NXPH1: variants seen among roughly 807,000 people sequenced by gnomAD.
NXPH1 encodes the protein neurexophilin 1, also known as neurexophilin-1.
A neutral mutation model predicts 23.7 loss-of-function variants in NXPH1; 5 were observed. The observed-to-expected ratio is 0.21, with a 90% CI of 0.11 to 0.44. NXPH1 has a LOEUF of 0.44. NXPH1 is among the 20% of genes least tolerant of loss of function. The pLI, the probability that NXPH1 is intolerant of heterozygous loss-of-function variation, is 0.99. For missense variants in NXPH1, 324 were observed against 321.6 expected (o/e 1.01, Z -0.06); for synonymous variants, 144 against 122.2 (o/e 1.18, Z -1.18).
At chr7:8,456,093 T>A (rs981091996) in intron 2 of NXPH1, among the ~76,000 whole-genome samples, 1 of 152,176 alleles carries the variant, frequency 6.6e-6, no homozygotes, top group African/African-American at 2.4e-5. Context: ...GGTAGTTAAT[T>A]GTCTTACCTG....
intron 2 of NXPH1, among the ~76,000 whole-genome samples, chr7:8,443,798 A>G (rs955907099): frequency 6.6e-6 from 1 of 152,210 alleles, no homozygotes; most frequent in African/African-American, 2.4e-5. Context: ...TATCATCATT[A>G]GACCCGGGAT....
chr7:8,536,150 G>T (rs907689875), intron 2 of NXPH1, among the ~76,000 whole-genome samples: 26 of 152,026 alleles, frequency 1.7e-4, no homozygotes, highest in Non-Finnish European at 3.7e-4. Flanking sequence ...ATGTTGCTCT[G>T]TTAACCTTTG....
chr7:8,626,499 C>G (rs1187053568), intron 2 of NXPH1, among the ~76,000 whole-genome samples: 3 of 151,762 alleles, frequency 2.0e-5, no homozygotes, highest in African/African-American at 7.3e-5. Flanking sequence ...CCATGAGGGA[C>G]TCCTTTCCAA....
intron 2 of NXPH1, among the ~76,000 whole-genome samples, chr7:8,619,974 C>G (rs1187948879): frequency 6.6e-6 from 1 of 152,086 alleles, no homozygotes; most frequent in Non-Finnish European, 1.5e-5. Flanking sequence ...TGTCCTTTCC[C>G]AAATATGATC....
At chr7:8,608,937 T>TA (rs1466477513) in intron 2 of NXPH1, among the ~76,000 whole-genome samples, 1 of 152,144 alleles carries the variant, frequency 6.6e-6, no homozygotes, top group Non-Finnish European at 1.5e-5. Flanking sequence ...ATATATACAG[T>TA]AAGTCCTCAC....
intron 2 of NXPH1, among the ~76,000 whole-genome samples, chr7:8,559,029 T>C (rs777351003): frequency 7.9e-5 from 12 of 151,654 alleles, no homozygotes; most frequent in Non-Finnish European, 4.4e-5. Context: ...TGTGGTGGCA[T>C]GATCATAGCT....
At chr7:8,590,302 A>G (rs1178097550) in intron 2 of NXPH1, among the ~76,000 whole-genome samples, 1 of 152,096 alleles carries the variant, frequency 6.6e-6, no homozygotes, top group Admixed American at 6.6e-5. Flanking sequence ...GGTCTAGGCT[A>G]CCAGGTAAAG....
chr7:8,710,755 C>T (rs1348738482), intron 2 of NXPH1, among the ~76,000 whole-genome samples: 2 of 121,476 alleles, frequency 1.6e-5, no homozygotes, highest in African/African-American at 3.9e-5. Flanking sequence ...CTCCGCTTCC[C>T]GGGTTCACGC....
intron 2 of NXPH1, among the ~76,000 whole-genome samples, chr7:8,628,309 C>T (rs1820039205): frequency 6.6e-6 from 1 of 150,404 alleles, no homozygotes; most frequent in African/African-American, 2.4e-5. Context: ...AAATTCTACA[C>T]AGTAATTGAT....
At chr7:8,746,818 T>A (rs190752033) in intron 2 of NXPH1, among the ~76,000 whole-genome samples, 2 of 152,024 alleles carry the variant, frequency 1.3e-5, no homozygotes, top group East Asian at 3.9e-4. Flanking sequence ...AACTTTATGC[T>A]CATTTTCTCC....
intron 2 of NXPH1, among the ~76,000 whole-genome samples, chr7:8,633,010 A>C (rs1820158414): frequency 6.6e-6 from 1 of 152,236 alleles, no homozygotes; most frequent in East Asian, 1.9e-4. Context: ...ATGTGTTGAG[A>C]ATGTGGGAAA....
intron 2 of NXPH1, among the ~76,000 whole-genome samples, chr7:8,674,454 G>A (rs1356547335): frequency 1.3e-5 from 2 of 152,088 alleles, no homozygotes; most frequent in South Asian, 2.1e-4. Context: ...AAAACGTACC[G>A]TATTTAAGAA....
At chr7:8,706,034 A>G (rs1035684103) in intron 2 of NXPH1, among the ~76,000 whole-genome samples, 7 of 152,192 alleles carry the variant, frequency 4.6e-5, no homozygotes, top group African/African-American at 1.4e-4. Context: ...TAGACATAAT[A>G]ATATTTGATG....
intron 2 of NXPH1, among the ~76,000 whole-genome samples, chr7:8,609,453 C>T (rs1819570786): frequency 6.6e-6 from 1 of 152,102 alleles, no homozygotes; most frequent in Admixed American, 6.6e-5. Context: ...CCTCAAATAT[C>T]AAGAAGCTGG....
chr7:8,511,570 T>C (rs1243494289), intron 2 of NXPH1, among the ~76,000 whole-genome samples: 1 of 152,100 alleles, frequency 6.6e-6, no homozygotes, highest in African/African-American at 2.4e-5. Flanking sequence ...ATGAACAGCC[T>C]AATAGTAGAA....
At chr7:8,525,486 T>A (rs981324614) in intron 2 of NXPH1, among the ~76,000 whole-genome samples, 1 of 152,198 alleles carries the variant, frequency 6.6e-6, no homozygotes, top group Non-Finnish European at 1.5e-5. Flanking sequence ...AGGAGCCTAA[T>A]GTTAATCCCC....
At chr7:8,701,695 C>A (rs1779625454) in intron 2 of NXPH1, among the ~76,000 whole-genome samples, 1 of 152,032 alleles carries the variant, frequency 6.6e-6, no homozygotes, top group Non-Finnish European at 1.5e-5. Flanking sequence ...GAAGTTGGAG[C>A]TCTTCCCCAT....
intron 2 of NXPH1, among the ~76,000 whole-genome samples, chr7:8,683,425 A>G (rs1318144413): frequency 6.6e-6 from 1 of 152,154 alleles, no homozygotes; most frequent in African/African-American, 2.4e-5. Context: ...CTATATCTCC[A>G]AAGTTTCCCA....
chr7:8,463,315 C>T (rs1247647841), intron 2 of NXPH1, among the ~76,000 whole-genome samples: 1 of 149,954 alleles, frequency 6.7e-6, no homozygotes, highest in African/African-American at 2.5e-5. Flanking sequence ...TTCATGGCCA[C>T]ATAGTATTTT....
Sources: gnomAD v4.1 joint callset for allele counts (sites outside exome capture counted in the v4.1 genomes callset) on GRCh38, gnomAD v4.1.1 for gene constraint, MANE v1.5 for transcripts, NCBI Gene and HGNC (gene_info 2026-07-23, HGNC 2026-07-21) for gene names.